B3GALT1: variants seen among roughly 807,000 people sequenced by gnomAD.
The protein encoded by B3GALT1 is beta-1,3-galactosyltransferase 1, also known as UDP-Gal:betaGlcNAc beta 1,3-galactosyltransferase, polypeptide 1.
A neutral mutation model predicts 23.2 loss-of-function variants in B3GALT1; 10 were observed. The observed-to-expected ratio is 0.43, with a 90% CI of 0.27 to 0.73. The LOEUF (loss-of-function observed/expected upper bound fraction) is 0.73. Ranked by LOEUF, B3GALT1 falls within the 30% of genes least tolerant of loss-of-function variation. B3GALT1 has a pLI of 0.21. For synonymous variants in B3GALT1, 156 were observed against 141.5 expected (o/e 1.10, Z -0.73); for missense variants, 299 against 405.4 (o/e 0.74, Z 2.25).
At chr2:167,844,645 C>T (rs918649991) in intron 4 of B3GALT1, among the ~76,000 whole-genome samples, 1 of 152,150 alleles carries the variant, frequency 6.6e-6, no homozygotes, top group African/African-American at 2.4e-5. Context: ...CACAAGGATC[C>T]GTCGAGAGGG....
At chr2:167,493,034 TGATATTAAA>T (rs1205854651) in intron 2 of B3GALT1, among the ~76,000 whole-genome samples, 3 of 152,152 alleles carry the variant, frequency 2.0e-5, no homozygotes, top group Admixed American at 2.0e-4. Flanking sequence ...CTATAGATCT[TGATATTAAA>T]ATAGGCCATG....
intron 1 of B3GALT1, among the ~76,000 whole-genome samples, chr2:167,346,714 A>G (rs1697225884): frequency 6.9e-6 from 1 of 144,568 alleles, no homozygotes; most frequent in Middle Eastern, 3.4e-3. Context: ...TCAAGTCTGC[A>G]TGATTAATTT....
intron 1 of B3GALT1, among the ~76,000 whole-genome samples, chr2:167,475,684 G>T (rs1207335180): frequency 6.6e-6 from 1 of 152,054 alleles, no homozygotes; most frequent in African/African-American, 2.4e-5. Context: ...AGATCTACTG[G>T]GGGTCTTGGA....
At chr2:167,423,410 C>G (rs938945623) in intron 1 of B3GALT1, among the ~76,000 whole-genome samples, 1 of 152,178 alleles carries the variant, frequency 6.6e-6, no homozygotes, top group South Asian at 2.1e-4. Flanking sequence ...TTGAAAGGGC[C>G]TTGGTGAGAA....
intron 1 of B3GALT1, among the ~76,000 whole-genome samples, chr2:167,424,109 C>T (rs146530553): frequency 9.0e-4 from 137 of 152,226 alleles, no homozygotes; most frequent in African/African-American, 3.1e-3. Flanking sequence ...ATCATTCAAC[C>T]GCAATTTATT....
chr2:167,454,248 C>T (rs1403943195), intron 1 of B3GALT1, among the ~76,000 whole-genome samples: 1 of 151,756 alleles, frequency 6.6e-6, no homozygotes, highest in Non-Finnish European at 1.5e-5. Flanking sequence ...TGTATGTGTG[C>T]ACGTGCACGT....
At chr2:167,504,991 A>G (rs772235167) in intron 2 of B3GALT1, among the ~76,000 whole-genome samples, 3 of 152,230 alleles carry the variant, frequency 2.0e-5, no homozygotes, top group Admixed American at 6.5e-5. Context: ...ATAAAAGAGA[A>G]TCAGTGTATA....
At chr2:167,333,695 C>G (rs952368521) in intron 1 of B3GALT1, among the ~76,000 whole-genome samples, 1 of 152,102 alleles carries the variant, frequency 6.6e-6, no homozygotes, top group South Asian at 2.1e-4. Flanking sequence ...TGGACAATAT[C>G]GTAAGAAATA....
chr2:167,564,133 C>CTCACTTCTCAGA (rs1445585944), intron 2 of B3GALT1, among the ~76,000 whole-genome samples: 2 of 151,182 alleles, frequency 1.3e-5, no homozygotes, highest in African/African-American at 4.9e-5. Flanking sequence ...GGAGGGGCTC[C>CTCACTTCTCAGA]TCACTTCTCA....
Position 167,870,049 on chromosome 2 carries a change from T to C in B3GALT1, c.*29T>C. ...TTTTACCAATGTAAATATGTTTCTTTTCTTTTTTTAAGAAATGGGACCTAA... is the reference window on the plus strand; with the variant it reads ...TTTTACCAATGTAAATATGTTTCTTCTCTTTTTTTAAGAAATGGGACCTAA... On this transcript the variant is annotated 3_prime_UTR_variant, in exon 5 of 5. Transcript: ENST00000392690. The C allele has an allele frequency of 1.9e-6, 3 of 1,545,332 alleles. No homozygotes were observed. The South Asian group carries it at 3.7e-5, about 19-fold the overall frequency.
intron 2 of B3GALT1, among the ~76,000 whole-genome samples, chr2:167,590,153 T>C (rs994749002): frequency 2.0e-5 from 3 of 152,040 alleles, no homozygotes; most frequent in African/African-American, 4.8e-5. Context: ...GAGACCATCC[T>C]GGCTAACACA....
At chr2:167,412,474 A>T (rs1269808073) in intron 1 of B3GALT1, among the ~76,000 whole-genome samples, 1 of 152,208 alleles carries the variant, frequency 6.6e-6, no homozygotes, top group African/African-American at 2.4e-5. Context: ...AAAAGAGGAT[A>T]TACAAATAAC....
At chr2:167,638,059 A>G (rs573981720) in intron 2 of B3GALT1, among the ~76,000 whole-genome samples, 1 of 152,002 alleles carries the variant, frequency 6.6e-6, no homozygotes, top group African/African-American at 2.4e-5. Context: ...AACACTATAT[A>G]ATACTTCTTT....
chr2:167,350,617 T>C (rs1697294946), intron 1 of B3GALT1, among the ~76,000 whole-genome samples: 2 of 152,180 alleles, frequency 1.3e-5, no homozygotes, highest in South Asian at 4.1e-4. Flanking sequence ...TGGAAAATGC[T>C]TAGGTATGCA....
At chr2:167,830,643 C>T (rs836696) in intron 4 of B3GALT1, among the ~76,000 whole-genome samples, 49,739 of 152,062 alleles carry the variant, frequency 0.33, 8,720 homozygotes, top group East Asian at 0.55. Context: ...GCACAAAAAA[C>T]TGATTTCAAA....
chr2:167,451,409 C>T (rs371832472), intron 1 of B3GALT1, among the ~76,000 whole-genome samples: 1 of 152,064 alleles, frequency 6.6e-6, no homozygotes, highest in Non-Finnish European at 1.5e-5. Flanking sequence ...GTACTCTCCC[C>T]CTTTTCCTAT....
intron 2 of B3GALT1, among the ~76,000 whole-genome samples, chr2:167,512,871 T>C (rs190625154): frequency 1.3e-5 from 2 of 148,570 alleles, no homozygotes; most frequent in African/African-American, 2.4e-5. Context: ...CTCAAACTTA[T>C]GAGCTCGTGT....
intron 4 of B3GALT1, among the ~76,000 whole-genome samples, chr2:167,831,230 A>G (rs1689345751): frequency 6.6e-6 from 1 of 152,168 alleles, no homozygotes; most frequent in South Asian, 2.1e-4. Context: ...TTTATTAACA[A>G]TTTAATTCAG....
chr2:167,796,592 C>CA (rs1459699906), intron 3 of B3GALT1, among the ~76,000 whole-genome samples: 3 of 151,848 alleles, frequency 2.0e-5, no homozygotes, highest in East Asian at 1.9e-4. Context: ...ACTAAAAATA[C>CA]AAAAAAATTA....
Sources: gnomAD v4.1 joint callset for allele counts (sites outside exome capture counted in the v4.1 genomes callset) on GRCh38, gnomAD v4.1.1 for gene constraint, MANE v1.5 for transcripts, NCBI Gene and HGNC (gene_info 2026-07-23, HGNC 2026-07-21) for gene names.